The following CHD9 variants were observed in gnomAD, a reference collection of about 807,000 sequenced individuals.
The protein encoded by CHD9 is chromodomain helicase DNA binding protein 9.
A neutral mutation model predicts 316.1 loss-of-function variants in CHD9; 77 were observed. That is an observed-to-expected ratio of 0.24 (90% CI 0.20 to 0.29). The LOEUF is 0.29. Ranked by LOEUF, CHD9 falls within the 10% of genes least tolerant of loss-of-function variation. The pLI is 1.00. For synonymous variants in CHD9, 1,129 were observed against 1,158.3 expected (o/e 0.97, Z 0.51); for missense variants, 2,763 against 3,438.1 (o/e 0.80, Z 4.91).
rs1174190969 is a variant in CHD9, at chr16:53,322,912, A to AT, written c.7819-1101dup. ...TCTCTGAATGTTGAGATGATGGATGATTTTTTTAATATTTTTTGTTGTGTT... is the reference window on the plus strand; with the variant it reads ...TCTCTGAATGTTGAGATGATGGATGATTTTTTTTAATATTTTTTGTTGTGTT... On this transcript the variant is annotated intron_variant, in intron 38 of 38. Coordinates refer to ENST00000447540, the MANE Select transcript of CHD9 (RefSeq NM_001308319.2). 2.6e-5 allele frequency among the ~76,000 whole-genome samples: 4 copies of AT among 152,168 alleles called. No homozygotes were observed. In the East Asian group the frequency reaches 5.8e-4, roughly 22 times the overall value.
At chr16:53,251,429 T>C (rs1415813333) in intron 17 of CHD9, among the ~76,000 whole-genome samples, 1 of 152,234 alleles carries the variant, frequency 6.6e-6, no homozygotes, top group African/African-American at 2.4e-5. Context: ...ATTTGACTGC[T>C]AATGTAGATC....
At chr16:53,108,855 T>C (rs776359133) in intron 1 of CHD9, among the ~76,000 whole-genome samples, 2 of 151,360 alleles carry the variant, frequency 1.3e-5, no homozygotes, top group Admixed American at 1.3e-4. Context: ...GATCGATCCA[T>C]TGCACTCCAG....
intron 36 of CHD9, 108 bp from the exon 37 acceptor site, chr16:53,318,102 TAA>T (rs2057015555): frequency 2.4e-6 from 2 of 824,740 alleles, no homozygotes; most frequent in African/African-American, 1.8e-5. Flanking sequence ...AAAATGTAAA[TAA>T]CCAAAAGGTA....
At chr16:53,143,673 T>C (rs1049349147) in intron 1 of CHD9, among the ~76,000 whole-genome samples, 4 of 152,182 alleles carry the variant, frequency 2.6e-5, no homozygotes, top group East Asian at 1.9e-4. Context: ...AGGCATGAGC[T>C]ACCACGCCCG....
intron 2 of CHD9, among the ~76,000 whole-genome samples, chr16:53,198,677 C>A (rs954858558): frequency 1.3e-5 from 2 of 152,186 alleles, no homozygotes; most frequent in Non-Finnish European, 2.9e-5. Flanking sequence ...AAAATAATTT[C>A]TATTCCATGT....
At chr16:53,281,064 C>G (rs547678275) in intron 24 of CHD9, among the ~76,000 whole-genome samples, 2 of 152,282 alleles carry the variant, frequency 1.3e-5, no homozygotes, top group South Asian at 4.1e-4. Flanking sequence ...GAGCTCCGTC[C>G]TCAGCTCTCT....
chr16:53,113,288 G>A (rs975328156), intron 1 of CHD9, among the ~76,000 whole-genome samples: 1 of 151,200 alleles, frequency 6.6e-6, no homozygotes, highest in Non-Finnish European at 1.5e-5. Flanking sequence ...CAGTTGGTTA[G>A]TAGTAAGCCT....
At chr16:53,086,146 T>C (rs1156831096) in intron 1 of CHD9, among the ~76,000 whole-genome samples, 1 of 152,016 alleles carries the variant, frequency 6.6e-6, no homozygotes, top group Non-Finnish European at 1.5e-5. Flanking sequence ...GAAATTGTTA[T>C]AGGAAAGGGG....
rs942609300 is a variant in CHD9 at position 53,281,735 on chromosome 16, C to T, written c.4968-3861C>T. The stretch of plus-strand genomic sequence containing the variant: ...GGTTGTGTTTTGCCAACCTGTCAAG[C>T]TCATTCTATGCTGTTCTTCCTGGTC... On this transcript the variant is annotated intron_variant, in intron 24 of 38. Transcript: ENST00000447540. Among the ~76,000 whole-genome samples, 4 of 152,190 alleles carry T rather than the reference C, an allele frequency of 2.6e-5. No individual in the cohort carries two copies. The East Asian group carries it at 7.7e-4, about 29-fold the overall frequency.
intron 1 of CHD9, among the ~76,000 whole-genome samples, chr16:53,111,197 G>A (rs943510148): frequency 7.2e-5 from 11 of 152,130 alleles, no homozygotes; most frequent in Non-Finnish European, 1.0e-4. Context: ...CTCATCTGCA[G>A]AATGAGGGGG....
intron 20 of CHD9, among the ~76,000 whole-genome samples, chr16:53,265,586 A>G (rs369366258): frequency 2.6e-5 from 4 of 152,300 alleles, no homozygotes; most frequent in East Asian, 1.9e-4. Flanking sequence ...TGATTAGGAT[A>G]TTGGATTAGC....
rs556355680 is a variant in CHD9 at position 53,181,255 on chromosome 16, C to T, written c.1452+23714C>T. On this transcript the variant is annotated intron_variant, in intron 2 of 38. Transcript: ENST00000447540. ...TGAACTCCCGACCTCAGGTGATCTG[C>T]GGGCCTTGGCCTCCTATAGTGCTGG... 1.2e-4 allele frequency among the ~76,000 whole-genome samples: 19 copies of T among 152,234 alleles called. No homozygotes were observed. The South Asian group carries it at 1.7e-3, about 13-fold the overall frequency.
chr16:53,212,296 T>G (rs1162686386), intron 3 of CHD9, among the ~76,000 whole-genome samples: 1 of 151,716 alleles, frequency 6.6e-6, no homozygotes, highest in Non-Finnish European at 1.5e-5. Flanking sequence ...TGCCAGCTAC[T>G]CGGGAGGCTG....
At chr16:53,176,907 C>T (rs1008535841) in intron 2 of CHD9, among the ~76,000 whole-genome samples, 2 of 152,256 alleles carry the variant, frequency 1.3e-5, no homozygotes, top group Middle Eastern at 3.4e-3. Context: ...CACATTTTAT[C>T]CTCACAACAA....
rs770905478 is a variant in CHD9, at chr16:53,231,416, T to C, written c.2287-3T>C. 1.9e-6 allele frequency: 3 copies of C among 1,544,438 alleles called. No individual in the cohort carries two copies. The highest frequency in any genetic ancestry group is 2.7e-6 in the Non-Finnish European group (3 of 1,126,876). On this transcript the variant is annotated splice_region_variant and splice_polypyrimidine_tract_variant and intron_variant, in intron 8 of 38. Coordinates refer to ENST00000447540, the MANE Select transcript of CHD9 (RefSeq NM_001308319.2). ...TGTCAATTAAGTTACCTTTTAATTT[T>C]AGATGGAAGAAGAACCATTTAACCC...
rs1215217654 is a variant in CHD9 at position 53,222,696 on chromosome 16, G to C, written c.1837G>C (p.Asp613His). The change falls in exon 4 of 39, where the codon GAT (aspartate) becomes CAT (histidine). Residue 613 changes from aspartate to histidine, a missense_variant. Physicochemically the swap from Asp to His is moderately conservative, Grantham distance 81. Around this residue, in one of 15 missense-constraint regions of CHD9, gnomAD observed 859 missense variants for 890.4 expected, o/e 0.96. Transcript: ENST00000447540. ...ACAAAAAAGAAAGAATGAGTCTTCAGATGAAATATCTGATGCAGAACAGAT... is the reference window on the plus strand; with the variant it reads ...ACAAAAAAGAAAGAATGAGTCTTCACATGAAATATCTGATGCAGAACAGAT... ...KKQKRKNESS[D>H]EISDAEQMPQ... 1 of 1,584,760 alleles carries C rather than the reference G, an allele frequency of 6.3e-7. No homozygotes were observed. Among genetic ancestry groups the C allele is most frequent in the Non-Finnish European group, 8.6e-7 (1 of 1,161,606 alleles).
chr16:53,217,674 A>G (rs932565447), intron 3 of CHD9, among the ~76,000 whole-genome samples: 2 of 152,234 alleles, frequency 1.3e-5, no homozygotes, highest in African/African-American at 2.4e-5. Context: ...TTTAGAATCT[A>G]TAATAAATTG....
At chr16:53,247,225 A>C in intron 15 of CHD9, 68 bp from the exon 16 acceptor site, 2 of 1,114,526 alleles carry the variant, frequency 1.8e-6, no homozygotes, top group Admixed American at 2.1e-5. Context: ...AATTGTGATT[A>C]AAAGGAAAGC....
chr16:53,231,438 A>T lies in CHD9; in HGVS notation c.2306A>T (p.Asn769Ile). The T allele has an allele frequency of 6.3e-7, 1 of 1,595,608 alleles. No individual in the cohort carries two copies. The highest frequency in any genetic ancestry group is 8.6e-7 in the Non-Finnish European group (1 of 1,165,262). The change falls in exon 9 of 39, where the codon AAC becomes ATC. Residue 769 changes from asparagine (N) to isoleucine (I), a missense_variant. Asn to Ile is a moderately radical substitution (Grantham distance 149). This residue lies in a region of CHD9 where 186 missense variants were observed against 245.0 expected (regional missense o/e 0.76). Transcript: ENST00000447540. ...TTTTAGATGGAAGAAGAACCATTTA[A>T]CCCAGACTACGTTGAAGTAGACAGA... ...FFADMEEEPF[N>I]PDYVEVDRVL...
Sources: allele counts gnomAD v4.1 joint callset (sites outside exome capture counted in the v4.1 genomes callset), GRCh38; gene constraint gnomAD v4.1.1; regional missense constraint gnomAD v4.1.1; transcripts MANE v1.5; gene names NCBI Gene and HGNC (gene_info 2026-07-23, HGNC 2026-07-21).